TM9SF3: variants seen among roughly 807,000 people sequenced by gnomAD.
The protein encoded by TM9SF3 is SM-11044-binding protein.
TM9SF3 carries 14 observed loss-of-function variants against 78.6 expected under a neutral mutation model. The observed-to-expected ratio is 0.18, with a 90% CI of 0.12 to 0.28. The LOEUF is 0.28. TM9SF3 is among the 10% of genes least tolerant of loss of function. TM9SF3 has a pLI of 1.00. For synonymous variants in TM9SF3, 231 were observed against 241.7 expected (o/e 0.96, Z 0.41); for missense variants, 496 against 721.9 (o/e 0.69, Z 3.59).
At chr10:96,583,002 C>A (rs144000785) in intron 1 of TM9SF3, among the ~76,000 whole-genome samples, 2,756 of 151,476 alleles carry the variant, frequency 0.018, 42 homozygotes, top group Non-Finnish European at 0.029. Flanking sequence ...ATCGTTTGAA[C>A]CCGGGAGGCG....
intron 5 of TM9SF3, 91 bp from the exon 6 acceptor site, chr10:96,553,150 G>GAA (rs571887794): frequency 9.9e-6 from 11 of 1,110,290 alleles, no homozygotes; most frequent in Non-Finnish European, 1.2e-5. Flanking sequence ...TTAATGCAAA[G>GAA]AAAAAAAAAA....
intron 9 of TM9SF3, among the ~76,000 whole-genome samples, chr10:96,534,158 C>A (rs1847928029): frequency 6.6e-6 from 1 of 152,084 alleles, no homozygotes; most frequent in Admixed American, 6.5e-5. Context: ...CTCTTTGAAC[C>A]AATATTAGTA....
At chr10:96,550,389 C>G (rs764838040) in intron 7 of TM9SF3, among the ~76,000 whole-genome samples, 19 of 152,166 alleles carry the variant, frequency 1.2e-4, no homozygotes, top group Non-Finnish European at 2.5e-4. Flanking sequence ...ATTCTTTCAG[C>G]AAGGATGTAT....
chr10:96,558,038 T>C (rs1368122296), intron 5 of TM9SF3, among the ~76,000 whole-genome samples: 1 of 152,102 alleles, frequency 6.6e-6, no homozygotes, highest in African/African-American at 2.4e-5. Flanking sequence ...GCTCAATTAA[T>C]ATGTGTTGAA....
At chr10:96,563,618 T>C (rs1589458661) in intron 3 of TM9SF3, among the ~76,000 whole-genome samples, 1 of 151,914 alleles carries the variant, frequency 6.6e-6, no homozygotes, top group South Asian at 2.1e-4. Context: ...CCCCAAGTGA[T>C]CCGCCCACCT....
chr10:96,542,678 C>G (rs1310521850), intron 9 of TM9SF3, among the ~76,000 whole-genome samples: 1 of 151,880 alleles, frequency 6.6e-6, no homozygotes, highest in Non-Finnish European at 1.5e-5. Flanking sequence ...CTGACTCACT[C>G]TATGTACTTT....
chr10:96,540,773 T>G (rs1316804259), intron 9 of TM9SF3, among the ~76,000 whole-genome samples: 1 of 124,416 alleles, frequency 8.0e-6, no homozygotes. Context: ...ACCTTTCTTT[T>G]TTTTTTTTTT....
intron 4 of TM9SF3, 113 bp downstream of exon 4, chr10:96,561,862 ATAT>A (rs1848311960): frequency 2.4e-6 from 2 of 834,700 alleles, no homozygotes; most frequent in Admixed American, 5.5e-5. Context: ...AGTTTTAATA[ATAT>A]TCTGTTGCAT....
At chr10:96,561,171 T>A (rs1381115364) in intron 4 of TM9SF3, among the ~76,000 whole-genome samples, 1 of 152,182 alleles carries the variant, frequency 6.6e-6, no homozygotes, top group East Asian at 1.9e-4. Context: ...TTTCTATTAC[T>A]TGCACATTCG....
rs536590345 is a variant in TM9SF3, at chr10:96,547,702, C to G, written c.1054+193G>C. On this transcript the variant is annotated intron_variant, in intron 8 of 14. Transcript: ENST00000371142. ...GGCATGGTGGCACACACCTGTAATT[C>G]CAAGCTACTCAGGAGGCTGAGGCAC... Among the ~76,000 whole-genome samples, 34 of 152,234 alleles carry G rather than the reference C, an allele frequency of 2.2e-4. No individual in the cohort carries two copies. In the South Asian group the frequency reaches 7.0e-3, roughly 32 times the overall value.
intron 1 of TM9SF3, among the ~76,000 whole-genome samples, chr10:96,579,150 A>G (rs1480586992): frequency 1.3e-5 from 2 of 152,244 alleles, no homozygotes; most frequent in Non-Finnish European, 2.9e-5. Flanking sequence ...AGAAATGCTG[A>G]AATGTAAAGT....
intron 9 of TM9SF3, 182 bp downstream of exon 9, chr10:96,543,894 A>G (rs1018220092): frequency 1.3e-5 from 6 of 458,266 alleles, no homozygotes; most frequent in Non-Finnish European, 2.1e-5. Context: ...ATAGGTTTAA[A>G]CTTAACCAAA....
At chr10:96,561,871 T>C (rs1467108043) in intron 4 of TM9SF3, 107 bp downstream of exon 4, 1 of 882,446 alleles carries the variant, frequency 1.1e-6, no homozygotes, top group Non-Finnish European at 1.8e-6. Flanking sequence ...AATATTCTGT[T>C]GCATCCCATT....
chr10:96,582,082 C>A (rs1848576019), intron 1 of TM9SF3, among the ~76,000 whole-genome samples: 1 of 151,902 alleles, frequency 6.6e-6, no homozygotes, highest in South Asian at 2.1e-4. Context: ...TTGTGCCAAG[C>A]ACAGTGCTTG....
rs1375455179 is a variant in TM9SF3, at chr10:96,576,701, A to G, written c.231T>C (p.His77=). 3.0e-5 allele frequency: 49 copies of G among 1,610,542 alleles called. No homozygotes were observed. The highest frequency in any genetic ancestry group is 4.1e-5 in the Non-Finnish European group (48 of 1,178,838). ...VGSKKSISHY[H]ETLGEALQGV... The stretch of plus-strand genomic sequence containing the variant: ...CTTGAAGTGCTTCTCCCAGAGTTTC[A>G]TGGTAATGACTGATACTTTTTTTTG... Residue 77 remains histidine (H), a synonymous_variant, in exon 2 of 15, where the codon CAT becomes CAC. Coordinates refer to ENST00000371142, the MANE Select transcript of TM9SF3 (RefSeq NM_020123.4).
intron 9 of TM9SF3, among the ~76,000 whole-genome samples, chr10:96,538,019 T>C (rs1312890611): frequency 2.0e-5 from 3 of 152,208 alleles, no homozygotes; most frequent in Non-Finnish European, 4.4e-5. Flanking sequence ...AGAAGACTTT[T>C]TATAGAAACT....
At chr10:96,576,590 C>A in intron 2 of TM9SF3, 44 bp downstream of exon 2, 1 of 1,493,176 alleles carries the variant, frequency 6.7e-7, no homozygotes, top group South Asian at 1.4e-5. Context: ...AAACCCTTGT[C>A]TACAATCCAA....
At chr10:96,567,065 GC>G (rs1589460114) in intron 2 of TM9SF3, among the ~76,000 whole-genome samples, 1 of 148,582 alleles carries the variant, frequency 6.7e-6, no homozygotes, top group East Asian at 2.0e-4. Flanking sequence ...ATACAGTATG[GC>G]ATTTATCTGT....
At chr10:96,538,186 C>A (rs946048895) in intron 9 of TM9SF3, among the ~76,000 whole-genome samples, 7 of 152,106 alleles carry the variant, frequency 4.6e-5, no homozygotes, top group Non-Finnish European at 8.8e-5. Context: ...TAGAACAAAT[C>A]AAAATGAAAC....
Sources: gnomAD v4.1 joint callset for allele counts (sites outside exome capture counted in the v4.1 genomes callset) on GRCh38, gnomAD v4.1.1 for gene constraint, MANE v1.5 for transcripts, NCBI Gene and HGNC (gene_info 2026-07-23, HGNC 2026-07-21) for gene names.